Variants in FAAP20 observed in about 807,000 individuals in gnomAD.
The protein encoded by FAAP20 is Fanconi anemia core complex-associated protein 20.
FAAP20 carries 12 observed loss-of-function variants against 16.2 expected under a neutral mutation model. The ratio of observed to expected loss-of-function variants is 0.74; its 90% confidence interval spans 0.48 to 1.20. The LOEUF (loss-of-function observed/expected upper bound fraction) is 1.20. Ranked by LOEUF, FAAP20 falls within the 50% of genes most tolerant of loss-of-function variation. The probability of loss-of-function intolerance (pLI) is 0.00; values close to 1 mark genes in which losing one functional copy is unlikely to be tolerated. For synonymous variants in FAAP20, 141 were observed against 110.7 expected (o/e 1.27, Z -1.72); for missense variants, 288 against 245.8 (o/e 1.17, Z -1.15).
chr1:2,203,649 T>A (rs1689131029), upstream of FAAP20: 1 of 985,846 alleles, frequency 1.0e-6, no homozygotes, highest in African/African-American at 1.7e-5. Context: ...AGGGAAGATA[T>A]CAGGCTGGGG....
downstream of FAAP20, among the ~76,000 whole-genome samples, chr1:2,211,664 T>A (rs1478604119): frequency 1.3e-5 from 2 of 150,836 alleles, no homozygotes; most frequent in East Asian, 4.0e-4. Context: ...TTAGCCAGGA[T>A]GGTCTCCATC....
intron 3 of FAAP20, chr1:2,193,085 A>G: frequency 8.9e-7 from 1 of 1,121,232 alleles, no homozygotes; most frequent in Non-Finnish European, 1.2e-6. Flanking sequence ...CATTCACACC[A>G]CCCCAGCCCC....
chr1:2,208,682 G>A (rs571071065), downstream of FAAP20, among the ~76,000 whole-genome samples: 7 of 152,296 alleles, frequency 4.6e-5, no homozygotes, highest in South Asian at 1.4e-3. Flanking sequence ...CCCATGCTCG[G>A]CCAGAGCGGG....
downstream of FAAP20, chr1:2,185,072 G>T: frequency 6.9e-7 from 1 of 1,442,028 alleles, no homozygotes; most frequent in African/African-American, 1.4e-5. Flanking sequence ...CTTAACCACC[G>T]CATATGCATG....
downstream of FAAP20, among the ~76,000 whole-genome samples, chr1:2,188,050 T>C (rs1687773425): frequency 6.6e-6 from 1 of 152,190 alleles, no homozygotes; most frequent in Non-Finnish European, 1.5e-5. Context: ...CTCCGTGTTT[T>C]TTGCGGCCTA....
At chr1:2,209,566 C>T (rs575914901), downstream of FAAP20, among the ~76,000 whole-genome samples, 1 of 152,362 alleles carries the variant, frequency 6.6e-6, no homozygotes, top group South Asian at 2.1e-4. Context: ...CGGACCCTGT[C>T]GGGCAGGACA....
upstream of FAAP20, among the ~76,000 whole-genome samples, chr1:2,195,073 C>T (rs954977526): frequency 3.9e-5 from 6 of 152,174 alleles, no homozygotes; most frequent in Admixed American, 3.9e-4. Context: ...GCACTGCCTC[C>T]TCCCGGCTGC....
At position 2,194,425 on chromosome 1, in the gene FAAP20, T is replaced by A. The variant is rs532331932; in HGVS notation, c.62+263A>T. Among the ~76,000 whole-genome samples the A allele has an allele frequency of 1.4e-4, 17 of 124,870 alleles. 1 individual carries two copies. The South Asian group carries it at 3.7e-3, about 27-fold the overall frequency. The allele number at this position is 124,870 out of a possible 152,430, so 81.9% of individuals were successfully genotyped here. On this transcript the variant is annotated intron_variant, in intron 1 of 3. Coordinates refer to ENST00000378546, the MANE Select transcript of FAAP20 (RefSeq NM_182533.4). ...CGGAGGGCCTGGGGAAGGTAGAGGG[T>A]TAGATGGGGGGTGCTCAGGGGAGAC...
chr1:2,189,660 G>GGCGCC lies in FAAP20; in HGVS notation c.*48_*49insGGCGC. On this transcript the variant is annotated 3_prime_UTR_variant, in exon 4 of 4. Coordinates refer to ENST00000378546, the MANE Select transcript of FAAP20 (RefSeq NM_182533.4). The stretch of plus-strand genomic sequence containing the variant: ...GCCGAGAGGCGGGGCTGCTGGCGGG[G>GGCGCC]GAGAGCGTGTCCGGGCGCCGCACTC... 1.3e-6 allele frequency: 2 copies of GGCGCC among 1,509,342 alleles called. No homozygotes were observed. The highest frequency in any genetic ancestry group is 1.8e-6 in the Non-Finnish European group (2 of 1,092,712). 93.5% of individuals were successfully genotyped at this position (1,509,342 alleles called of 1,614,324 possible). A position where few individuals can be genotyped will look rare whatever the true frequency, so the allele number is the denominator to read the frequency against.
At chr1:2,184,901 C>A, downstream of FAAP20, 1 of 1,607,292 alleles carries the variant, frequency 6.2e-7, no homozygotes. Flanking sequence ...CCCCCCTCCC[C>A]CCTGCCACCT....
intron 3 of FAAP20, chr1:2,192,270 CG>C (rs1420106258): frequency 1.0e-6 from 1 of 986,222 alleles, no homozygotes; most frequent in East Asian, 1.1e-4. Flanking sequence ...GCCACAGCCT[CG>C]GGTGAGTTCC....
At chr1:2,207,313 T>C (rs1467506199), downstream of FAAP20, among the ~76,000 whole-genome samples, 3 of 152,172 alleles carry the variant, frequency 2.0e-5, no homozygotes, top group Admixed American at 6.5e-5. Flanking sequence ...GCCGGCCTTC[T>C]TGGGCGTGGT....
chr1:2,185,727 AAG>A (rs1470884114), downstream of FAAP20, among the ~76,000 whole-genome samples: 6 of 152,228 alleles, frequency 3.9e-5, no homozygotes, highest in African/African-American at 1.4e-4. Context: ...TAGACCAAAA[AAG>A]AGAAAAAACT....
chr1:2,196,769 G>A (rs1572126035), upstream of FAAP20, among the ~76,000 whole-genome samples: 1 of 152,290 alleles, frequency 6.6e-6, no homozygotes, highest in East Asian at 1.9e-4. The surrounding 1 kb of genome is among the most constrained non-coding windows in gnomAD (Gnocchi z 4.5). Flanking sequence ...GAGCCTAGGA[G>A]GCATAGGTTG....
downstream of FAAP20, among the ~76,000 whole-genome samples, chr1:2,188,196 G>A (rs1168965181): frequency 7.2e-5 from 11 of 152,342 alleles, no homozygotes; most frequent in African/African-American, 2.4e-4. Context: ...GAACCTGGGG[G>A]CTGAACAGCA....
At chr1:2,198,310 CCTA>C (rs894309530), upstream of FAAP20, 1 of 571,474 alleles carries the variant, frequency 1.7e-6, no homozygotes, top group African/African-American at 2.0e-5. Context: ...CCACCCATCT[CCTA>C]CTCCCGCACC....
intron 1 of FAAP20, 159 bp from the exon 2 acceptor site, chr1:2,194,292 T>C: frequency 5.0e-6 from 2 of 403,620 alleles, no homozygotes; most frequent in Non-Finnish European, 6.5e-6. Flanking sequence ...GGGGAAGGGC[T>C]GCTGGGGCAG....
downstream of FAAP20, among the ~76,000 whole-genome samples, chr1:2,209,846 C>G (rs1195754998): frequency 2.0e-5 from 3 of 152,236 alleles, no homozygotes; most frequent in Non-Finnish European, 2.9e-5. Flanking sequence ...TCCCTCCTGC[C>G]TTCTGTCCAG....
upstream of FAAP20, chr1:2,198,109 C>T (rs780854181): frequency 2.4e-5 from 31 of 1,291,072 alleles, no homozygotes; most frequent in South Asian, 2.8e-4. Flanking sequence ...TCCACTTCTT[C>T]GGAGCCATCT....
Sources: gnomAD v4.1 joint callset for allele counts (sites outside exome capture counted in the v4.1 genomes callset) on GRCh38, gnomAD v4.1.1 for gene constraint, Gnocchi (gnomAD v3.1) non-coding constraint, MANE v1.5 for transcripts, NCBI Gene and HGNC (gene_info 2026-07-23, HGNC 2026-07-21) for gene names.